SCFD2: variants seen among roughly 807,000 people sequenced by gnomAD.
SCFD2 encodes sec1 family domain containing 2.
Under a neutral mutation model 58.9 loss-of-function variants are expected in SCFD2, and 54 were observed. The ratio of observed to expected loss-of-function variants is 0.92; its 90% CI spans 0.74 to 1.15. SCFD2 has a LOEUF of 1.15. Among genes scored for constraint, SCFD2 ranks in the 50% most tolerant of loss-of-function variants. The pLI, the probability that SCFD2 is intolerant of heterozygous loss-of-function variation, is 0.00. For missense variants in SCFD2, 805 were observed against 836.6 expected (o/e 0.96, Z 0.47); for synonymous variants, 321 against 335.9 (o/e 0.96, Z 0.49).
rs557203285 is a variant in SCFD2 at position 52,966,830 on chromosome 4, A to T, written c.1562-45960T>A. Among the ~76,000 whole-genome samples the T allele has an allele frequency of 3.3e-5, 5 of 152,336 alleles. No homozygotes were observed. In the South Asian group the frequency reaches 1.0e-3, roughly 32 times the overall value. On this transcript the variant is annotated intron_variant, in intron 5 of 8. Transcript: ENST00000401642. ...CAGACTTCCTTTGTTTTTAAAAAAA[A>T]TTGTGTAAAGCTCATGTATATAACA... is the stretch of plus-strand genomic sequence containing the variant.
intron 8 of SCFD2, 70 bp from the exon 9 acceptor site, chr4:52,874,131 G>C (rs904301930): frequency 3.9e-6 from 4 of 1,018,020 alleles, no homozygotes; most frequent in Admixed American, 1.7e-5. Context: ...TGGATGATGA[G>C]AAATAGAATG....
intron 5 of SCFD2, among the ~76,000 whole-genome samples, chr4:52,954,611 A>T (rs531813872): frequency 6.6e-6 from 1 of 152,340 alleles, no homozygotes; most frequent in South Asian, 2.1e-4. Context: ...AAGCTCAGAA[A>T]AGCAGCAAGA....
intron 5 of SCFD2, chr4:52,958,190 T>C (rs1720754970): frequency 1.3e-5 from 2 of 152,232 alleles, no homozygotes; most frequent in African/African-American, 4.8e-5. Context: ...ACAAAGACAC[T>C]TTAAGTCCAA....
At chr4:53,182,556 G>T (rs1168705276) in intron 4 of SCFD2, among the ~76,000 whole-genome samples, 1 of 152,148 alleles carries the variant, frequency 6.6e-6, no homozygotes, top group African/African-American at 2.4e-5. Flanking sequence ...AACCCTAGAA[G>T]AAAACCTAGG....
At chr4:53,303,957 TG>T (rs1333807067) in intron 3 of SCFD2, among the ~76,000 whole-genome samples, 11 of 88,630 alleles carry the variant, frequency 1.2e-4, no homozygotes, top group African/African-American at 5.7e-4. Flanking sequence ...TGTTGTCGGG[TG>T]GGGGGAGGGG....
rs535404470 is a variant in SCFD2, at chr4:52,928,828, A to C, written c.1562-7958T>G. 3.9e-5 allele frequency among the ~76,000 whole-genome samples: 6 copies of C among 152,340 alleles called. No homozygotes were observed. The South Asian group carries it at 1.2e-3, about 32-fold the overall frequency. On this transcript the variant is annotated intron_variant, in intron 5 of 8. Transcript: ENST00000401642. ...ATGCCTAGCACAGTGCTTAGCTCAC[A>C]GAAGACACTCACTACATAGTTTTTA...
chr4:53,054,132 C>A (rs375320140), intron 5 of SCFD2, among the ~76,000 whole-genome samples: 43 of 152,146 alleles, frequency 2.8e-4, no homozygotes, highest in African/African-American at 9.4e-4. Context: ...CCATCTAGTC[C>A]CTGTCTTCAT....
intron 5 of SCFD2, among the ~76,000 whole-genome samples, chr4:53,046,692 G>A (rs1046793990): frequency 3.9e-5 from 6 of 152,058 alleles, no homozygotes; most frequent in Non-Finnish European, 7.4e-5. Context: ...CTTTGAGACA[G>A]AGCCTTGCTC....
chr4:53,161,780 T>A (rs1726860425), intron 4 of SCFD2, among the ~76,000 whole-genome samples: 1 of 152,214 alleles, frequency 6.6e-6, no homozygotes, highest in South Asian at 2.1e-4. Context: ...GTCATTCGTC[T>A]TTATCTGGCT....
At chr4:53,056,619 C>T (rs1182907554) in intron 5 of SCFD2, among the ~76,000 whole-genome samples, 1 of 152,058 alleles carries the variant, frequency 6.6e-6, no homozygotes, top group Non-Finnish European at 1.5e-5. Context: ...GGTGAACTGT[C>T]ATGACTTCAT....
chr4:52,957,242 G>A (rs938786766), intron 5 of SCFD2: 2 of 152,168 alleles, frequency 1.3e-5, no homozygotes, highest in Non-Finnish European at 1.5e-5. Context: ...AGTCTACAAA[G>A]CATGCACCTG....
At chr4:53,086,470 G>A (rs1302753360) in intron 5 of SCFD2, among the ~76,000 whole-genome samples, 1 of 152,182 alleles carries the variant, frequency 6.6e-6, no homozygotes, top group East Asian at 1.9e-4. Flanking sequence ...AGAACAGCTT[G>A]GAAGTTCCTC....
intron 4 of SCFD2, among the ~76,000 whole-genome samples, chr4:53,248,506 C>A (rs1045664363): frequency 6.6e-6 from 1 of 152,220 alleles, no homozygotes; most frequent in African/African-American, 2.4e-5. Flanking sequence ...GTAACCTCTG[C>A]AGACTTAAAT....
chr4:53,090,146 T>C (rs1366198829), intron 5 of SCFD2, among the ~76,000 whole-genome samples: 3 of 152,122 alleles, frequency 2.0e-5, no homozygotes, highest in Non-Finnish European at 2.9e-5. Flanking sequence ...ATTTCACTAA[T>C]CCCCAGGGAC....
At chr4:53,219,106 G>C (rs1465460210) in intron 4 of SCFD2, among the ~76,000 whole-genome samples, 2 of 152,220 alleles carry the variant, frequency 1.3e-5, no homozygotes, top group African/African-American at 4.8e-5. Flanking sequence ...GGAGGAGGCA[G>C]TCTGTCTGTT....
intron 8 of SCFD2, among the ~76,000 whole-genome samples, chr4:52,874,780 C>A (rs1235537867): frequency 6.6e-6 from 1 of 152,136 alleles, no homozygotes; most frequent in African/African-American, 2.4e-5. Context: ...GGATTAGAGC[C>A]CACACTAAAG....
At chr4:53,207,550 ATT>A (rs1491377150) in intron 4 of SCFD2, among the ~76,000 whole-genome samples, 4 of 18,678 alleles carry the variant, frequency 2.1e-4, no homozygotes, top group African/African-American at 4.2e-4. Flanking sequence ...TATATATAAT[ATT>A]TATATATAAT....
chr4:52,992,797 G>C (rs907484446), intron 5 of SCFD2, among the ~76,000 whole-genome samples: 1 of 151,260 alleles, frequency 6.6e-6, no homozygotes, highest in Non-Finnish European at 1.5e-5. Context: ...CCAGGCAGCC[G>C]CCCCGTCCGG....
intron 2 of SCFD2, among the ~76,000 whole-genome samples, chr4:53,338,934 C>T (rs978986338): frequency 1.3e-5 from 2 of 151,946 alleles, no homozygotes; most frequent in Non-Finnish European, 1.5e-5. Context: ...ACCCAGACTC[C>T]TATACCCAGT....
Sources: gnomAD v4.1 joint callset for allele counts (sites outside exome capture counted in the v4.1 genomes callset) on GRCh38, gnomAD v4.1.1 for gene constraint, MANE v1.5 for transcripts, NCBI Gene and HGNC (gene_info 2026-07-23, HGNC 2026-07-21) for gene names.